Variants in ADK observed in about 807,000 individuals in gnomAD.
The protein encoded by ADK is N6,N6-dimethyladenosine kinase.
Under a neutral mutation model 44.7 loss-of-function variants are expected in ADK, and 24 were observed. The ratio of observed to expected loss-of-function variants is 0.54; its 90% CI spans 0.39 to 0.76. The LOEUF is 0.76. Ranked by LOEUF, ADK falls within the 30% of genes least tolerant of loss-of-function variation. The pLI is 0.00. For missense variants in ADK, 321 were observed against 425.1 expected (o/e 0.76, Z 2.15); for synonymous variants, 128 against 142.6 (o/e 0.90, Z 0.73).
intron 6 of ADK, chr10:74,508,497 T>C (rs1430505936): frequency 6.6e-6 from 1 of 152,220 alleles, no homozygotes; most frequent in Non-Finnish European, 1.5e-5. Flanking sequence ...ATTTATTTAA[T>C]TCTCACAACC....
At chr10:74,528,638 T>C (rs184261384) in intron 7 of ADK, among the ~76,000 whole-genome samples, 11 of 152,298 alleles carry the variant, frequency 7.2e-5, no homozygotes, top group African/African-American at 2.4e-4. Flanking sequence ...AAAGGATTCA[T>C]ATTCAGAATA....
chr10:74,316,280 C>G (rs945882230), intron 4 of ADK, among the ~76,000 whole-genome samples: 1 of 151,890 alleles, frequency 6.6e-6, no homozygotes. Flanking sequence ...TTTACTTAAG[C>G]CTTAATTTAT....
At chr10:74,299,126 A>C (rs1434036936) in intron 3 of ADK, among the ~76,000 whole-genome samples, 1 of 152,112 alleles carries the variant, frequency 6.6e-6, no homozygotes, top group Non-Finnish European at 1.5e-5. Context: ...ATTTTCAAAA[A>C]ATTTGAGAAA....
intron 6 of ADK, among the ~76,000 whole-genome samples, chr10:74,436,762 A>G (rs770218087): frequency 3.9e-5 from 6 of 152,218 alleles, no homozygotes; most frequent in Admixed American, 3.3e-4. Flanking sequence ...AATCGAGTAA[A>G]TGGATCACAG....
At chr10:74,601,410 A>G (rs1852114754) in intron 9 of ADK, among the ~76,000 whole-genome samples, 1 of 152,120 alleles carries the variant, frequency 6.6e-6, no homozygotes, top group South Asian at 2.1e-4. Context: ...TATTCTTTAT[A>G]TTTGAGGTTT....
At chr10:74,574,776 C>T (rs953286308) in intron 7 of ADK, among the ~76,000 whole-genome samples, 1 of 152,160 alleles carries the variant, frequency 6.6e-6, no homozygotes, top group Admixed American at 6.5e-5. Flanking sequence ...AGCACTTTCC[C>T]AAGTTTTTAG....
rs1564672743 is a variant in ADK, at chr10:74,356,020, T to TTG, written c.274-38120_274-38119insGT. ...ATAATTCATTTTTTTTTTTTTTTTT[T>TTG]TTTTTTTTTGAGACGGAGTCTCGCT... On this transcript the variant is annotated intron_variant, in intron 4 of 10. Transcript: ENST00000539909. Among the ~76,000 whole-genome samples the TTG allele has an allele frequency of 3.0e-4, 41 of 136,658 alleles. 2 individuals carry two copies. In the East Asian group the frequency reaches 7.6e-3, roughly 25 times the overall value. 89.7% of individuals were successfully genotyped at this position (136,658 alleles called of 152,430 possible).
chr10:74,608,424 C>T (rs1185839009), intron 9 of ADK, among the ~76,000 whole-genome samples: 2 of 152,012 alleles, frequency 1.3e-5, no homozygotes, highest in Non-Finnish European at 2.9e-5. Flanking sequence ...TTTGTGTGGA[C>T]ATCCTTTTTG....
chr10:74,555,543 C>T (rs1039180046), intron 7 of ADK, among the ~76,000 whole-genome samples: 6 of 148,040 alleles, frequency 4.1e-5, no homozygotes, highest in Admixed American at 6.8e-5. Context: ...CCCAGGAGTT[C>T]GAAGCTGCAG....
intron 3 of ADK, among the ~76,000 whole-genome samples, chr10:74,246,501 G>T (rs1424629117): frequency 6.6e-6 from 1 of 152,194 alleles, no homozygotes; most frequent in Non-Finnish European, 1.5e-5. Context: ...CTCTTGTAAG[G>T]TCTGGATGGG....
intron 7 of ADK, among the ~76,000 whole-genome samples, chr10:74,571,785 T>A (rs1335783487): frequency 1.3e-5 from 2 of 152,198 alleles, no homozygotes; most frequent in Non-Finnish European, 2.9e-5. Flanking sequence ...TCTATTTCCT[T>A]CAGTTCTGCT....
chr10:74,427,898 A>G lies in ADK; in HGVS notation c.555+29319A>G, dbSNP rs116859579. Among the ~76,000 whole-genome samples, 812 of 152,212 alleles carry G rather than the reference A, an allele frequency of 5.3e-3. 24 individuals carry two copies. Among genetic ancestry groups the G allele is most frequent in the East Asian group, 5.6e-3 (29 of 5,164 alleles). ...ATAAATTACCGTAAACTTAACAGAA[A>G]TTTATTCTTTCATAGTTCAGGCGGC... On this transcript the variant is annotated intron_variant, in intron 6 of 10. Coordinates refer to ENST00000539909, the MANE Select transcript of ADK (RefSeq NM_006721.4).
At chr10:74,623,209 G>A (rs1029520348) in intron 9 of ADK, among the ~76,000 whole-genome samples, 1 of 152,000 alleles carries the variant, frequency 6.6e-6, no homozygotes, top group Non-Finnish European at 1.5e-5. Context: ...TAAAAGCCAG[G>A]GATGCTGCTA....
intron 6 of ADK, among the ~76,000 whole-genome samples, chr10:74,496,761 G>T (rs1026435722): frequency 6.6e-6 from 1 of 152,100 alleles, no homozygotes; most frequent in Non-Finnish European, 1.5e-5. Context: ...GAACCACCAT[G>T]CCTAGCCAGA....
At chr10:74,533,236 A>G (rs1477888538) in intron 7 of ADK, among the ~76,000 whole-genome samples, 1 of 152,224 alleles carries the variant, frequency 6.6e-6, no homozygotes, top group Non-Finnish European at 1.5e-5. Flanking sequence ...AAAATAATCT[A>G]TAGTTTAGTG....
chr10:74,429,547 T>A (rs968458801), intron 6 of ADK, among the ~76,000 whole-genome samples: 4 of 152,162 alleles, frequency 2.6e-5, no homozygotes, highest in Non-Finnish European at 5.9e-5. Context: ...AGAAAGAGAT[T>A]TAAAAAATAT....
chr10:74,662,589 A>C (rs1293303114), intron 9 of ADK, among the ~76,000 whole-genome samples: 1 of 152,136 alleles, frequency 6.6e-6, no homozygotes, highest in Non-Finnish European at 1.5e-5. Flanking sequence ...CAATATTTTC[A>C]TATCAAAGAT....
intron 6 of ADK, among the ~76,000 whole-genome samples, chr10:74,458,119 CTT>C (rs1172945144): frequency 0.064 from 4,776 of 74,088 alleles, 109 homozygotes; most frequent in African/African-American, 0.14. Context: ...TGCATTAAAA[CTT>C]TTTTTTTTTT....
chr10:74,613,004 A>G (rs748878381), intron 9 of ADK, among the ~76,000 whole-genome samples: 10 of 152,038 alleles, frequency 6.6e-5, no homozygotes, highest in South Asian at 4.2e-4. Flanking sequence ...TTTTGTGCCA[A>G]TACCATTGCT....
Sources: gnomAD v4.1 joint callset for allele counts (sites outside exome capture counted in the v4.1 genomes callset) on GRCh38, gnomAD v4.1.1 for gene constraint, MANE v1.5 for transcripts, NCBI Gene and HGNC (gene_info 2026-07-23, HGNC 2026-07-21) for gene names.